ACTN3: variants seen among roughly 807,000 people sequenced by gnomAD.
ACTN3 encodes actinin alpha 3.
In ACTN3, 91 loss-of-function variants were observed where a neutral mutation model predicts 119.6. The observed-to-expected ratio is 0.76, with a 90% confidence interval of 0.64 to 0.91. The LOEUF (loss-of-function observed/expected upper bound fraction) is 0.91. Ranked by LOEUF, ACTN3 falls within the 40% of genes least tolerant of loss-of-function variation. The pLI, the probability that ACTN3 is intolerant of heterozygous loss-of-function variation, is 0.00. For synonymous variants in ACTN3, 456 were observed against 478.8 expected (o/e 0.95, Z 0.62); for missense variants, 1,221 against 1,215.1 (o/e 1.00, Z -0.07).
chr11:66,560,771 A>G lies in ACTN3; in HGVS notation c.1860+16A>G. Reference sequence around the variant, plus strand: ...GTGGGATATGGTCAGTGCCACCTGCAGCCTTCCTCCCACCCCCTCCTGCAT... The same window carrying G: ...GTGGGATATGGTCAGTGCCACCTGCGGCCTTCCTCCCACCCCCTCCTGCAT... On this transcript the variant is annotated intron_variant, in intron 15 of 20. Coordinates refer to ENST00000513398, the MANE Select transcript of ACTN3 (RefSeq NM_001104.4). 2 of 1,594,696 alleles carry G rather than the reference A, an allele frequency of 1.3e-6. No homozygotes were observed. The highest frequency in any genetic ancestry group is 1.7e-6 in the Non-Finnish European group (2 of 1,166,512).
At chr11:66,551,464 TG>T in intron 2 of ACTN3, 63 bp from the exon 3 acceptor site, 1 of 1,579,816 alleles carries the variant, frequency 6.3e-7, no homozygotes, top group Non-Finnish European at 8.6e-7. Flanking sequence ...GGGGAGAGTT[TG>T]CGGACAATAG....
Position 66,559,351 on chromosome 11 carries a change from C to A in ACTN3, c.1392C>A (p.Arg464=), listed in dbSNP as rs753206789. The A allele has an allele frequency of 1.2e-5, 19 of 1,566,412 alleles. No individual in the cohort carries two copies. The highest frequency in any genetic ancestry group is 1.6e-5 in the Non-Finnish European group (18 of 1,160,362). Residue 464 remains arginine (R), a synonymous_variant, in exon 12 of 21, where the codon CGC becomes CGA. Transcript: ENST00000513398. ...FESDLAAHQD[R]VEHIAALAQE... Reference sequence around the variant, plus strand: ...GCGACCTGGCGGCGCACCAGGACCGCGTGGAGCACATTGCCGCGCTGGCCC... The same window carrying A: ...GCGACCTGGCGGCGCACCAGGACCGAGTGGAGCACATTGCCGCGCTGGCCC...
rs1857625774 is a variant in ACTN3, at chr11:66,557,801, CG to C, written c.1002del (p.Arg335ValfsTer97). On this transcript the variant is annotated frameshift_variant, in exon 10 of 21. Transcript: ENST00000513398. LOFTEE classifies it high-confidence loss of function. ...CAAACTAGAGGACTTTCGGGACTAC[CG>C]GCGTCTGCACAAGCCGCCCCGCATT... is the stretch of plus-strand genomic sequence containing the variant. ...QRKLEDFRDYRRLHKPPRIQE... is the reference protein window; with the variant it reads ...QRKLEDFRDYXRLHKPPRIQE... 1 of 1,613,804 alleles carries C rather than the reference CG, an allele frequency of 6.2e-7. No individual in the cohort carries two copies. The highest frequency in any genetic ancestry group is 8.5e-7 in the Non-Finnish European group (1 of 1,179,904).
In ACTN3 at chr11:66,555,202, G is replaced by A; in HGVS notation, c.630G>A (p.Leu210=). The A allele has an allele frequency of 6.2e-7, 1 of 1,613,706 alleles. No homozygotes were observed. The part of the protein sequence containing the change: ...HRPDLIDYAK[L]RKDDPIGNLN... The stretch of plus-strand genomic sequence containing the variant: ...CTGACCTCATCGACTACGCCAAACT[G>A]CGAAAGGTAGAGGCCCCCACCACCC... The change falls in exon 6 of 21, where the codon CTG becomes CTA. Residue 210 remains leucine, a synonymous_variant. Transcript: ENST00000513398.
In ACTN3 at chr11:66,558,083, G is replaced by C. The variant is rs1040736871; in HGVS notation, c.1185G>C (p.Trp395Cys). ...LEQVEKGYED[W>C]LLSEIRRLQR... ...AGGTGGAAAAGGGCTATGAGGACTG[G>C]CTGCTCTCGGAGATCCGGCGCCTGC... The change falls in exon 11 of 21, where the codon TGG (tryptophan) becomes TGC (cysteine). Residue 395 changes from tryptophan to cysteine, a missense_variant. By Grantham distance (215) the Trp-to-Cys change is radical (BLOSUM62 -2). Coordinates refer to ENST00000513398, the MANE Select transcript of ACTN3 (RefSeq NM_001104.4). 3.1e-6 allele frequency: 5 copies of C among 1,613,702 alleles called. No individual in the cohort carries two copies. In the African/African-American group the frequency reaches 6.7e-5, roughly 22 times the overall value.
intron 12 of ACTN3, among the ~76,000 whole-genome samples, chr11:66,559,641 C>T (rs1163873434): frequency 2.6e-5 from 4 of 151,810 alleles, no homozygotes; most frequent in Admixed American, 6.6e-5. Flanking sequence ...CTAACCTGCC[C>T]GCTCTCTTCA....
At position 66,557,775 on chromosome 11, in the gene ACTN3, G is replaced by T. The variant is rs369932492; in HGVS notation, c.974G>T (p.Arg325Leu). ...VGEPSMSAMQRKLEDFRDYRR... is the reference protein window; with the variant it reads ...VGEPSMSAMQLKLEDFRDYRR... Reference sequence around the variant, plus strand: ...GAGCCCAGCATGAGTGCCATGCAGCGCAAACTAGAGGACTTTCGGGACTAC... The same window carrying T: ...GAGCCCAGCATGAGTGCCATGCAGCTCAAACTAGAGGACTTTCGGGACTAC... The change falls in exon 10 of 21, where the codon CGC (arginine) becomes CTC (leucine). Residue 325 changes from arginine to leucine, a missense_variant. Arg to Leu is a moderately radical substitution (Grantham distance 102, BLOSUM62 -2). This residue lies in a region of ACTN3 where 934 missense variants were observed against 899.9 expected (regional missense o/e 1.04). Transcript: ENST00000513398. 1 of 1,613,522 alleles carries T rather than the reference G, an allele frequency of 6.2e-7. No homozygotes were observed. The highest frequency in any genetic ancestry group is 1.3e-5 in the African/African-American group (1 of 74,930).
chr11:66,562,213 G>C, intron 18 of ACTN3, 44 bp from the exon 19 acceptor site: 1 of 1,613,914 alleles, frequency 6.2e-7, no homozygotes, highest in South Asian at 1.1e-5. Flanking sequence ...TTGGGGGCTG[G>C]TGGAGGCTGG....
intron 5 of ACTN3, 44 bp from the exon 6 acceptor site, chr11:66,555,086 C>T: frequency 6.3e-7 from 1 of 1,598,300 alleles, no homozygotes; most frequent in East Asian, 2.2e-5. Context: ...AGAACGGGGC[C>T]CCAGCTTGAA....
intron 7 of ACTN3, 80 bp from the exon 8 acceptor site, chr11:66,556,065 C>G (rs890988702): frequency 6.4e-5 from 86 of 1,333,796 alleles, no homozygotes; most frequent in Non-Finnish European, 8.9e-5. Context: ...ATGCTTCCAG[C>G]CCTCCCACCC....
Position 66,563,225 on chromosome 11 carries a change from G to A in ACTN3, c.*32G>A, listed in dbSNP as rs1857840429. The A allele has an allele frequency of 6.4e-7, 1 of 1,570,430 alleles. No homozygotes were observed. Among genetic ancestry groups the A allele is most frequent in the Non-Finnish European group, 8.7e-7 (1 of 1,154,870 alleles). ...CCACTGAGGTTCTCTATGCAAGATG[G>A]AGAGAGGATGCACCCTGTGGCTGAT... On this transcript the variant is annotated 3_prime_UTR_variant, in exon 21 of 21. Coordinates refer to ENST00000513398, the MANE Select transcript of ACTN3 (RefSeq NM_001104.4).
At chr11:66,553,409 A>G (rs532099218) in intron 3 of ACTN3, among the ~76,000 whole-genome samples, 5 of 151,522 alleles carry the variant, frequency 3.3e-5, no homozygotes, top group African/African-American at 1.2e-4. Context: ...CAAAAAAATT[A>G]GCCGGGTTTG....
intron 17 of ACTN3, 120 bp from the exon 18 acceptor site, chr11:66,561,902 G>A: frequency 8.1e-7 from 1 of 1,241,904 alleles, no homozygotes; most frequent in Non-Finnish European, 1.1e-6. Flanking sequence ...TCCAGATGGG[G>A]ATGGAGGCCC....
chr11:66,557,735 G>A lies in ACTN3; in HGVS notation c.934G>A (p.Glu312Lys). 1 of 1,613,376 alleles carries A rather than the reference G, an allele frequency of 6.2e-7. No individual in the cohort carries two copies. Among genetic ancestry groups the A allele is most frequent in the Non-Finnish European group, 8.5e-7 (1 of 1,179,726 alleles). Residue 312 changes from glutamate to lysine, a missense_variant, in exon 10 of 21, where the codon GAG becomes AAG. Glu to Lys is a moderately conservative substitution (Grantham distance 56). Transcript: ENST00000513398. ...GATCCGCCGCACTGTCCCATGGCTG[G>A]AGAACCGTGTGGGTGAGCCCAGCAT... The part of the protein sequence containing the change: ...EWIRRTVPWL[E>K]NRVGEPSMSA...
chr11:66,553,745 C>A (rs1857525776), intron 3 of ACTN3, among the ~76,000 whole-genome samples: 1 of 149,808 alleles, frequency 6.7e-6, no homozygotes, highest in Non-Finnish European at 1.5e-5. Context: ...TGGTGGGCGC[C>A]TGTAGTCCCA....
At chr11:66,562,501 A>G (rs1366872503) in intron 19 of ACTN3, among the ~76,000 whole-genome samples, 179 bp downstream of exon 19, 1 of 152,160 alleles carries the variant, frequency 6.6e-6, no homozygotes, top group Non-Finnish European at 1.5e-5. Context: ...GTGTGGACCC[A>G]AAGTCTGAGC....
chr11:66,546,907 C>T lies in ACTN3; in HGVS notation c.-31C>T, dbSNP rs1420169958. The T allele has an allele frequency of 1.3e-6, 2 of 1,526,464 alleles. No individual in the cohort carries two copies. The highest frequency in any genetic ancestry group is 2.3e-5 in the East Asian group (1 of 43,456). The allele number at this position is 1,526,464 out of a possible 1,614,324, so 94.6% of individuals were successfully genotyped here. A position where few individuals can be genotyped will look rare whatever the true frequency, so the allele number is the denominator to read the frequency against. ...GGGGCCCGGGTGTCCGAGAGCGTGC[C>T]GAGCGGAGCGAAGCCAGGAGCCCGA... is the stretch of plus-strand genomic sequence containing the variant. On this transcript the variant is annotated 5_prime_UTR_variant, in exon 1 of 21. Transcript: ENST00000513398.
chr11:66,555,511 C>T, intron 7 of ACTN3, 144 bp downstream of exon 7: 1 of 772,694 alleles, frequency 1.3e-6, no homozygotes, highest in Non-Finnish European at 2.1e-6. Flanking sequence ...CCCCCTTCTC[C>T]AGGAGTCCTC....
Position 66,562,127 on chromosome 11 carries a change from C to T in ACTN3, c.2281C>T (p.Gln761Ter). The T allele has an allele frequency of 6.2e-7, 1 of 1,614,080 alleles. No homozygotes were observed. Among genetic ancestry groups the T allele is most frequent in the Non-Finnish European group, 8.5e-7 (1 of 1,179,978 alleles). The change falls in exon 18 of 21, where the codon CAG (glutamine) becomes TAG (stop). Residue 761 changes from glutamine (Q) to a stop codon, truncating the protein, a stop_gained. Transcript: ENST00000513398. LOFTEE classifies it high-confidence loss of function. ...TRDAKGLSQE[Q>*]LNEFRASFNH... ...AGACGCCAAGGGACTGAGCCAGGAG[C>T]AGCTCAACGAGTTCCGAGCATCCTT...
Sources: gnomAD v4.1 joint callset for allele counts (sites outside exome capture counted in the v4.1 genomes callset) on GRCh38, gnomAD v4.1.1 for gene constraint, gnomAD v4.1.1 regional missense constraint, MANE v1.5 for transcripts, NCBI Gene and HGNC (gene_info 2026-07-23, HGNC 2026-07-21) for gene names.